AP2B1: variants seen among roughly 807,000 people sequenced by gnomAD.
The protein encoded by AP2B1 is AP-2 complex subunit beta.
In AP2B1, 23 loss-of-function variants were observed where a neutral mutation model predicts 102.0. The observed-to-expected ratio is 0.23, with a 90% CI of 0.16 to 0.32. AP2B1 has a LOEUF of 0.32. Among genes scored for constraint, AP2B1 ranks in the 10% least tolerant of loss-of-function variants. AP2B1 has a pLI of 1.00. For missense variants in AP2B1, 541 were observed against 1,157.4 expected, an observed-to-expected ratio of 0.47 and a Z score of 7.73; for synonymous variants, 381 against 421.2, an observed-to-expected ratio of 0.90 and a Z score of 1.17.
chr17:35,649,858 C>G (rs955719009), intron 12 of AP2B1, among the ~76,000 whole-genome samples: 1 of 152,056 alleles, frequency 6.6e-6, no homozygotes, highest in Non-Finnish European at 1.5e-5. Flanking sequence ...ACCTCCTGGG[C>G]TCAAGTGATC....
At chr17:35,715,713 GC>G (rs1392473486) in intron 20 of AP2B1, among the ~76,000 whole-genome samples, 1 of 152,176 alleles carries the variant, frequency 6.6e-6, no homozygotes, top group Non-Finnish European at 1.5e-5. Context: ...GCATATTGAG[GC>G]CCCTTCTTCC....
intron 18 of AP2B1, among the ~76,000 whole-genome samples, chr17:35,688,637 C>T (rs2075982819): frequency 6.6e-6 from 1 of 152,072 alleles, no homozygotes; most frequent in Non-Finnish European, 1.5e-5. Context: ...TCCTATTTTC[C>T]ATCCCTTTTT....
At chr17:35,624,345 C>G in intron 5 of AP2B1, 52 bp from the exon 6 acceptor site, 1 of 1,549,436 alleles carries the variant, frequency 6.5e-7, no homozygotes, top group Non-Finnish European at 8.9e-7. Flanking sequence ...AAGTGTTTGT[C>G]TATAGCTGTG....
chr17:35,592,945 C>T (rs1239662381), intron 1 of AP2B1, among the ~76,000 whole-genome samples: 2 of 152,156 alleles, frequency 1.3e-5, no homozygotes, highest in Non-Finnish European at 2.9e-5. Flanking sequence ...TGTGACCAGA[C>T]TGTGCCGTTT....
intron 13 of AP2B1, among the ~76,000 whole-genome samples, chr17:35,654,204 GC>G (rs2075161993): frequency 6.6e-6 from 1 of 151,938 alleles, no homozygotes; most frequent in Non-Finnish European, 1.5e-5. Flanking sequence ...TGGGACTACA[GC>G]TGCCTCCTAC....
intron 1 of AP2B1, among the ~76,000 whole-genome samples, chr17:35,589,924 CTTT>C (rs71366465): frequency 8.4e-6 from 1 of 119,450 alleles, no homozygotes. Flanking sequence ...TCTGTAACTT[CTTT>C]TTTTTTTTTT....
At chr17:35,694,019 A>G (rs1394240564) in intron 18 of AP2B1, among the ~76,000 whole-genome samples, 1 of 152,222 alleles carries the variant, frequency 6.6e-6, no homozygotes, top group Non-Finnish European at 1.5e-5. Flanking sequence ...CTTAATATCT[A>G]GAACCTAGAT....
intron 17 of AP2B1, among the ~76,000 whole-genome samples, chr17:35,680,187 C>T (rs1390811654): frequency 6.6e-6 from 1 of 152,068 alleles, no homozygotes; most frequent in Non-Finnish European, 1.5e-5. Flanking sequence ...GGATTACAGG[C>T]GTGAGCCACC....
Position 35,633,873 on chromosome 17 carries a change from G to C in AP2B1, c.1156-2468G>C, listed in dbSNP as rs918589509. 9.2e-5 allele frequency among the ~76,000 whole-genome samples: 14 copies of C among 152,248 alleles called. 1 individual carries two copies. The highest frequency in any genetic ancestry group is 3.4e-4 in the African/African-American group (14 of 41,552). Reference sequence around the variant, plus strand: ...AATCTAAATATGGTCTGGGCCAGGCGCTGTGGCTCACACCTGTAATACTAG... The same window carrying C: ...AATCTAAATATGGTCTGGGCCAGGCCCTGTGGCTCACACCTGTAATACTAG... On this transcript the variant is annotated intron_variant, in intron 9 of 21. Coordinates refer to ENST00000610402, the MANE Select transcript of AP2B1 (RefSeq NM_001030006.2).
At chr17:35,650,166 T>G (rs1037670772) in intron 12 of AP2B1, among the ~76,000 whole-genome samples, 26 of 152,124 alleles carry the variant, frequency 1.7e-4, no homozygotes, top group African/African-American at 6.0e-4. Context: ...GCCAGGCTGG[T>G]CTCAAACTCC....
chr17:35,671,624 T>C (rs929772215), intron 15 of AP2B1, 130 bp from the exon 16 acceptor site: 1 of 904,272 alleles, frequency 1.1e-6, no homozygotes, highest in Non-Finnish European at 1.7e-6. Context: ...CTAATTTGAC[T>C]CCTAAGAATA....
intron 9 of AP2B1, among the ~76,000 whole-genome samples, chr17:35,627,954 A>G (rs1405867542): frequency 1.3e-5 from 2 of 152,154 alleles, no homozygotes; most frequent in Non-Finnish European, 2.9e-5. Flanking sequence ...TATTCTTTTG[A>G]TTAAAATAGG....
chr17:35,639,902 TC>T (rs1163135350), intron 11 of AP2B1, 142 bp downstream of exon 11: 2 of 733,012 alleles, frequency 2.7e-6, no homozygotes, highest in Admixed American at 6.9e-5. Context: ...GGATGTCTCT[TC>T]TCAGTTTTAC....
At chr17:35,593,364 A>C (rs1181737406) in intron 1 of AP2B1, among the ~76,000 whole-genome samples, 1 of 152,194 alleles carries the variant, frequency 6.6e-6, no homozygotes, top group Non-Finnish European at 1.5e-5. Flanking sequence ...ATTTACACTA[A>C]TGTAATTATT....
chr17:35,703,669 G>C (rs1038691754), intron 18 of AP2B1, among the ~76,000 whole-genome samples: 1 of 152,100 alleles, frequency 6.6e-6, no homozygotes, highest in African/African-American at 2.4e-5. Context: ...GCACACACTG[G>C]GGTCTGCTAG....
intron 9 of AP2B1, among the ~76,000 whole-genome samples, chr17:35,628,324 G>A (rs1238640003): frequency 1.3e-5 from 2 of 152,174 alleles, no homozygotes; most frequent in Non-Finnish European, 2.9e-5. Flanking sequence ...ATTCTTGGCT[G>A]GGTGCAGTGG....
chr17:35,700,603 A>G (rs1217491725), intron 18 of AP2B1, among the ~76,000 whole-genome samples: 1 of 152,042 alleles, frequency 6.6e-6, no homozygotes, highest in Non-Finnish European at 1.5e-5. Flanking sequence ...AAGAGGCCTC[A>G]TTTGCCAGAG....
intron 18 of AP2B1, among the ~76,000 whole-genome samples, chr17:35,704,253 TG>T (rs1381262800): frequency 6.6e-6 from 1 of 152,188 alleles, no homozygotes; most frequent in African/African-American, 2.4e-5. Context: ...ATCCACTACC[TG>T]TGTTGTCCTT....
intron 12 of AP2B1, among the ~76,000 whole-genome samples, chr17:35,649,119 T>A (rs1208395231): frequency 6.6e-6 from 1 of 152,196 alleles, no homozygotes; most frequent in African/African-American, 2.4e-5. Context: ...TCAGGCAGTG[T>A]ATTGTTACCT....
Sources: allele counts gnomAD v4.1 joint callset (sites outside exome capture counted in the v4.1 genomes callset), GRCh38; gene constraint gnomAD v4.1.1; transcripts MANE v1.5; gene names NCBI Gene and HGNC (gene_info 2026-07-23, HGNC 2026-07-21).